Variants in KLHL6 observed in about 807,000 individuals in gnomAD.
KLHL6 encodes kelch like family member 6.
In KLHL6, 41 loss-of-function variants were observed where a neutral mutation model predicts 58.6. The observed-to-expected ratio is 0.70, with a 90% confidence interval of 0.55 to 0.91. KLHL6 has a LOEUF of 0.91. Ranked by LOEUF, KLHL6 falls within the 40% of genes least tolerant of loss-of-function variation. The probability of loss-of-function intolerance (pLI) is 0.00; values close to 1 mark genes in which losing one functional copy is unlikely to be tolerated. For synonymous variants in KLHL6, 338 were observed against 322.7 expected, an observed-to-expected ratio of 1.05 and a Z score of -0.51; for missense variants, 714 against 805.6, an observed-to-expected ratio of 0.89 and a Z score of 1.38.
intron 2 of KLHL6, among the ~76,000 whole-genome samples, chr3:183,509,587 G>A (rs968275299): frequency 2.0e-5 from 3 of 152,196 alleles, no homozygotes; most frequent in Non-Finnish European, 4.4e-5. Flanking sequence ...CCCACTATGT[G>A]TTCTTCACGG....
rs546489057 is a variant in KLHL6, at chr3:183,513,986, C to G, written c.460-5478G>C. 1.5e-4 allele frequency among the ~76,000 whole-genome samples: 23 copies of G among 152,262 alleles called. No homozygotes were observed. In the East Asian group the frequency reaches 4.4e-3, roughly 29 times the overall value. On this transcript the variant is annotated intron_variant, in intron 2 of 6. Transcript: ENST00000341319. ...ACATGCGTTGTTTGGTTTTCTGTTCCTGTGTTAGTTTGCTGAGAATGATGG... is the reference window on the plus strand; with the variant it reads ...ACATGCGTTGTTTGGTTTTCTGTTCGTGTGTTAGTTTGCTGAGAATGATGG...
In KLHL6 at chr3:183,492,432, T is replaced by C. The variant is rs1490783887; in HGVS notation, c.1564+62A>G. ...GAGACACCGCGACACACCGTTTACG[T>C]GCTGCAGCCAGGCGCTCATCAGGTT... is the stretch of plus-strand genomic sequence containing the variant. On this transcript the variant is annotated intron_variant, in intron 6 of 6. Transcript: ENST00000341319. This position sits in a 1 kb window ranked among gnomAD's most constrained non-coding sequence, Gnocchi z 5.9. 2.5e-6 allele frequency: 4 copies of C among 1,568,724 alleles called. No individual in the cohort carries two copies. The Admixed American group carries it at 6.7e-5, about 26-fold the overall frequency.
intron 1 of KLHL6, among the ~76,000 whole-genome samples, chr3:183,542,668 T>C (rs1404979091): frequency 6.6e-6 from 1 of 152,164 alleles, no homozygotes; most frequent in Admixed American, 6.5e-5. Context: ...AGCTCCACCA[T>C]AACCCCTGTG....
chr3:183,497,798 CTT>C (rs1461255231), intron 4 of KLHL6, among the ~76,000 whole-genome samples: 1 of 152,200 alleles, frequency 6.6e-6, no homozygotes, highest in Non-Finnish European at 1.5e-5. Flanking sequence ...TTCACTGAGA[CTT>C]AGGATTTGTA....
At chr3:183,522,404 C>T (rs1167491332) in intron 2 of KLHL6, 1 of 152,218 alleles carries the variant, frequency 6.6e-6, no homozygotes, top group African/African-American at 2.4e-5. Flanking sequence ...ACCCTGATTG[C>T]TTAATGCTTA....
intron 1 of KLHL6, among the ~76,000 whole-genome samples, chr3:183,538,349 C>T (rs1712432509): frequency 6.6e-6 from 1 of 152,126 alleles, no homozygotes; most frequent in African/African-American, 2.4e-5. Flanking sequence ...CAAATACCCA[C>T]ACCTATCACT....
At chr3:183,527,803 A>G in intron 2 of KLHL6, 42 bp downstream of exon 2, 1 of 1,603,266 alleles carries the variant, frequency 6.2e-7, no homozygotes, top group Non-Finnish European at 8.5e-7. Flanking sequence ...TACTGCATTC[A>G]CCTGCTTCAG....
chr3:183,555,302 T>A, intron 1 of KLHL6, 59 bp downstream of exon 1: 1 of 1,477,862 alleles, frequency 6.8e-7, no homozygotes, highest in Admixed American at 1.8e-5. Flanking sequence ...GCTCTCACAC[T>A]AACACACCTC....
chr3:183,535,018 C>T (rs549326079), intron 1 of KLHL6, among the ~76,000 whole-genome samples: 1 of 150,796 alleles, frequency 6.6e-6, no homozygotes, highest in Non-Finnish European at 1.5e-5. Flanking sequence ...AATATCGGCT[C>T]ACTGCAGCCT....
At chr3:183,534,654 C>T (rs183895692) in intron 1 of KLHL6, among the ~76,000 whole-genome samples, 9 of 151,986 alleles carry the variant, frequency 5.9e-5, no homozygotes, top group African/African-American at 1.9e-4. Flanking sequence ...CCACCCACCT[C>T]GGTCTCCCAA....
Position 183,487,911 on chromosome 3 carries a change from T to G in KLHL6, c.*4016A>C, listed in dbSNP as rs1434980333. The stretch of plus-strand genomic sequence containing the variant: ...GTGTTGCCAACGTTAAAAATTCTAT[T>G]GAGCACTTTCATTTTTCAGAATAAA... On this transcript the variant is annotated 3_prime_UTR_variant, in exon 7 of 7. Coordinates refer to ENST00000341319, the MANE Select transcript of KLHL6 (RefSeq NM_130446.4). 1 of 152,250 alleles carries G rather than the reference T, an allele frequency of 6.6e-6. No individual in the cohort carries two copies. The highest frequency in any genetic ancestry group is 1.5e-5 in the Non-Finnish European group (1 of 68,048). The allele number at this position is 152,250 out of a possible 1,614,324, so 9.4% of individuals were successfully genotyped here. A position where few individuals can be genotyped will look rare whatever the true frequency, so the allele number is the denominator to read the frequency against.
At chr3:183,498,048 A>G (rs1170726299) in intron 4 of KLHL6, among the ~76,000 whole-genome samples, 2 of 152,094 alleles carry the variant, frequency 1.3e-5, no homozygotes, top group Admixed American at 1.3e-4. Context: ...AGCCTGACCA[A>G]CACTGTGAAA....
intron 1 of KLHL6, among the ~76,000 whole-genome samples, chr3:183,549,552 C>A (rs1310211905): frequency 2.1e-4 from 32 of 152,116 alleles, no homozygotes; most frequent in Non-Finnish European, 2.2e-4. Flanking sequence ...TCTGTTGCCC[C>A]GGCTGGAGTG....
intron 1 of KLHL6, among the ~76,000 whole-genome samples, chr3:183,536,923 C>T (rs1249836522): frequency 3.3e-5 from 5 of 152,138 alleles, no homozygotes; most frequent in African/African-American, 9.7e-5. Flanking sequence ...CAGCTCAGTT[C>T]GTGGGAGAGA....
chr3:183,536,170 C>G (rs1577199225), intron 1 of KLHL6, among the ~76,000 whole-genome samples: 1 of 152,304 alleles, frequency 6.6e-6, no homozygotes, highest in East Asian at 1.9e-4. Context: ...AGCAGACCCC[C>G]TCTGCTAGTG....
At chr3:183,519,439 TCTTTTTTCAATGCC>T (rs569286357) in intron 2 of KLHL6, among the ~76,000 whole-genome samples, 2 of 152,306 alleles carry the variant, frequency 1.3e-5, no homozygotes, top group African/African-American at 4.8e-5. Flanking sequence ...GACAGATGCC[TCTTTTTTCAATGCC>T]CTGGCACTGT....
chr3:183,537,368 T>C (rs1023656071), intron 1 of KLHL6, among the ~76,000 whole-genome samples: 2 of 152,196 alleles, frequency 1.3e-5, no homozygotes, highest in Admixed American at 1.3e-4. Context: ...CTTTGCTCTC[T>C]GAGAACACAG....
chr3:183,540,687 C>G (rs989512875), intron 1 of KLHL6, among the ~76,000 whole-genome samples: 3 of 146,600 alleles, frequency 2.0e-5, no homozygotes, highest in Non-Finnish European at 4.4e-5. Flanking sequence ...TGCAGGCACA[C>G]GCCACCACAC....
At chr3:183,523,950 G>A (rs1020445734) in intron 2 of KLHL6, among the ~76,000 whole-genome samples, 1 of 152,034 alleles carries the variant, frequency 6.6e-6, no homozygotes, top group Non-Finnish European at 1.5e-5. Context: ...TAATAGAGAC[G>A]GGGTTTCATC....
Sources: allele counts gnomAD v4.1 joint callset (sites outside exome capture counted in the v4.1 genomes callset), GRCh38; gene constraint gnomAD v4.1.1; non-coding constraint Gnocchi (gnomAD v3.1); transcripts MANE v1.5; gene names NCBI Gene and HGNC (gene_info 2026-07-23, HGNC 2026-07-21).